The following MARK3 variants were observed in gnomAD, a reference collection of about 807,000 sequenced individuals.
MARK3 encodes the protein MAP/microtubule affinity-regulating kinase 3.
In MARK3, 46 loss-of-function variants were observed where a neutral mutation model predicts 90.1. That is an observed-to-expected ratio of 0.51 (90% CI 0.40 to 0.65). The LOEUF (loss-of-function observed/expected upper bound fraction) is 0.65, where lower values mean the gene tolerates loss of function less well. MARK3 is among the 30% of genes least tolerant of loss of function. The pLI is 0.00. For missense variants in MARK3, 818 were observed against 947.2 expected (o/e 0.86, Z 1.79); for synonymous variants, 321 against 332.6 (o/e 0.97, Z 0.38).
intron 14 of MARK3, among the ~76,000 whole-genome samples, chr14:103,484,119 A>G (rs1355308792): frequency 1.3e-5 from 2 of 151,772 alleles, no homozygotes; most frequent in Non-Finnish European, 2.9e-5. Flanking sequence ...AAGACCCCAG[A>G]GAAGTGACGT....
intron 4 of MARK3, among the ~76,000 whole-genome samples, chr14:103,450,698 G>C (rs2141325267): frequency 6.6e-6 from 1 of 152,188 alleles, no homozygotes; most frequent in South Asian, 2.1e-4. Context: ...TGACTGCTAT[G>C]TTAGGCATTT....
In MARK3 at chr14:103,492,019, C is replaced by G; in HGVS notation, c.1829C>G (p.Ser610Ter). Residue 610 changes from serine (S) to a stop codon, truncating the protein, a stop_gained, in exon 15 of 18, where the codon TCA becomes TGA. Coordinates refer to ENST00000429436, the MANE Select transcript of MARK3 (RefSeq NM_001128918.3). LOFTEE classifies it high-confidence loss of function. ...GSTNLFSKLT[S>*]KLTRRNMSFR... ...ACTAATCTCTTTAGTAAATTAACTT[C>G]AAAACTCACAAGGAGGTAAGTGCTA... 6.2e-7 allele frequency: 1 copy of G among 1,614,124 alleles called. No homozygotes were observed. The highest frequency in any genetic ancestry group is 8.5e-7 in the Non-Finnish European group (1 of 1,180,000).
chr14:103,494,998 A>G (rs1013150740), intron 15 of MARK3, among the ~76,000 whole-genome samples: 3 of 152,236 alleles, frequency 2.0e-5, no homozygotes, highest in Non-Finnish European at 4.4e-5. Flanking sequence ...TACATTATAT[A>G]TATGCATATT....
chr14:103,442,059 T>A (rs1356367499), intron 3 of MARK3, among the ~76,000 whole-genome samples: 3 of 151,948 alleles, frequency 2.0e-5, no homozygotes, highest in Admixed American at 1.3e-4. Flanking sequence ...GGGGAAAAGG[T>A]ACATATCTTA....
intron 2 of MARK3, 66 bp from the exon 3 acceptor site, chr14:103,428,321 C>A: frequency 1.2e-6 from 1 of 820,888 alleles, no homozygotes; most frequent in Non-Finnish European, 1.9e-6. Context: ...TGCCATATAT[C>A]TTGGCATTTA....
intron 3 of MARK3, among the ~76,000 whole-genome samples, chr14:103,437,054 C>T (rs1199927740): frequency 1.3e-5 from 2 of 151,164 alleles, no homozygotes; most frequent in Non-Finnish European, 2.9e-5. Flanking sequence ...GATGGCACCA[C>T]TGCACTCCAG....
intron 13 of MARK3, among the ~76,000 whole-genome samples, chr14:103,476,491 A>G (rs2093717190): frequency 1.4e-5 from 2 of 145,182 alleles, no homozygotes; most frequent in Admixed American, 7.0e-5. Context: ...CTGTAACAAA[A>G]TCTCCCCAGT....
chr14:103,458,454 C>CAAA lies in MARK3; in HGVS notation c.483+1261_483+1263dup, dbSNP rs36020485. 3.9e-3 allele frequency among the ~76,000 whole-genome samples: 118 copies of CAAA among 30,506 alleles called. 2 individuals carry two copies. The highest frequency in any genetic ancestry group is 6.5e-3 in the East Asian group (6 of 924). 20.0% of individuals were successfully genotyped at this position (30,506 alleles called of 152,430 possible). A position where few individuals can be genotyped will look rare whatever the true frequency, so the allele number is the denominator to read the frequency against. On this transcript the variant is annotated intron_variant, in intron 6 of 17. Coordinates refer to ENST00000429436, the MANE Select transcript of MARK3 (RefSeq NM_001128918.3). ...AGCCTGGGTGACAGAGACTCCATCT[C>CAAA]AAAAAAAAAAAAAAAAAAAAAGAAG...
chr14:103,419,607 T>C (rs1368184471), intron 2 of MARK3, among the ~76,000 whole-genome samples: 4 of 152,164 alleles, frequency 2.6e-5, no homozygotes, highest in Non-Finnish European at 5.9e-5. Context: ...TATGTTGTTT[T>C]GGTTGAAGTG....
intron 3 of MARK3, among the ~76,000 whole-genome samples, chr14:103,446,879 T>C (rs1177844495): frequency 6.6e-6 from 1 of 151,822 alleles, no homozygotes; most frequent in Admixed American, 6.6e-5. Flanking sequence ...CTATAATGGA[T>C]TGGAAAACAA....
At position 103,425,527 on chromosome 14, in the gene MARK3, G is replaced by A. The variant is rs1379632225; in HGVS notation, c.244-2860G>A. On this transcript the variant is annotated intron_variant, in intron 2 of 17. Transcript: ENST00000429436. ...ATCCACCCACCTCCCAAAGTGCTGGGATTACAGGCATGAGCCACCTCACCC... is the reference window on the plus strand; with the variant it reads ...ATCCACCCACCTCCCAAAGTGCTGGAATTACAGGCATGAGCCACCTCACCC... Among the ~76,000 whole-genome samples, 4 of 152,232 alleles carry A rather than the reference G, an allele frequency of 2.6e-5. No homozygotes were observed. In the East Asian group the frequency reaches 7.7e-4, roughly 29 times the overall value.
chr14:103,488,222 T>C (rs2093962430), intron 14 of MARK3, among the ~76,000 whole-genome samples: 1 of 152,124 alleles, frequency 6.6e-6, no homozygotes, highest in Non-Finnish European at 1.5e-5. Context: ...TTAGTTCATA[T>C]AACTAAAAAA....
intron 4 of MARK3, among the ~76,000 whole-genome samples, chr14:103,451,600 C>G (rs761268495): frequency 1.6e-4 from 25 of 152,182 alleles, no homozygotes; most frequent in Non-Finnish European, 2.6e-4. Context: ...GGGAGGGCAG[C>G]TAGCCAACAC....
At chr14:103,415,261 C>G (rs770140618) in intron 2 of MARK3, among the ~76,000 whole-genome samples, 1 of 147,142 alleles carries the variant, frequency 6.8e-6, no homozygotes, top group Non-Finnish European at 1.5e-5. Flanking sequence ...AAACAAGATA[C>G]ATTAATATGT....
At chr14:103,424,588 G>A (rs2092339560) in intron 2 of MARK3, among the ~76,000 whole-genome samples, 1 of 151,420 alleles carries the variant, frequency 6.6e-6, no homozygotes, top group Non-Finnish European at 1.5e-5. Context: ...AGAACCATAA[G>A]AAACTAGTGA....
rs2090620104 is a variant in MARK3 at position 103,397,000 on chromosome 14, A to T, written c.52-8076A>T. On this transcript the variant is annotated intron_variant, in intron 1 of 17. Coordinates refer to ENST00000429436, the MANE Select transcript of MARK3 (RefSeq NM_001128918.3). ...TAAAGCCTTTTTATATTATGCATTG[A>T]AATATTGGGGGGTATATTGAGTTAA... is the stretch of plus-strand genomic sequence containing the variant. 2.0e-5 allele frequency among the ~76,000 whole-genome samples: 3 copies of T among 152,300 alleles called. No individual in the cohort carries two copies. The South Asian group carries it at 6.2e-4, about 32-fold the overall frequency.
chr14:103,433,786 G>A (rs1335023368), intron 3 of MARK3, among the ~76,000 whole-genome samples: 1 of 152,136 alleles, frequency 6.6e-6, no homozygotes, highest in Admixed American at 6.5e-5. Context: ...TTAGGTTTGG[G>A]AATGTGGAAT....
At chr14:103,484,211 T>C (rs2093881021) in intron 14 of MARK3, among the ~76,000 whole-genome samples, 1 of 151,644 alleles carries the variant, frequency 6.6e-6, no homozygotes, top group Non-Finnish European at 1.5e-5. Context: ...GGAGTCTCGC[T>C]CTTTTACCCA....
At position 103,475,020 on chromosome 14, in the gene MARK3, C is replaced by T. The variant is rs779860437; in HGVS notation, c.1292C>T (p.Ala431Val). The part of the protein sequence containing the change: ...HAGPAIPSVV[A>V]YPKRSQTSTA... ...GGACCAGCTATTCCTTCTGTTGTGGCGTATCCGAAAAGGAGTCAGACCAGC... is the reference window on the plus strand; with the variant it reads ...GGACCAGCTATTCCTTCTGTTGTGGTGTATCCGAAAAGGAGTCAGACCAGC... Residue 431 changes from alanine (A) to valine (V), a missense_variant, in exon 13 of 18, where the codon GCG becomes GTG. By Grantham distance (64) the Ala-to-Val change is moderately conservative. This residue lies in a region of MARK3 where 560 missense variants were observed against 613.5 expected (regional missense o/e 0.91). Coordinates refer to ENST00000429436, the MANE Select transcript of MARK3 (RefSeq NM_001128918.3). The T allele has an allele frequency of 8.1e-6, 13 of 1,613,838 alleles. No individual in the cohort carries two copies. In the East Asian group the frequency reaches 1.8e-4, roughly 22 times the overall value.
Sources: allele counts gnomAD v4.1 joint callset (sites outside exome capture counted in the v4.1 genomes callset), GRCh38; gene constraint gnomAD v4.1.1; regional missense constraint gnomAD v4.1.1; transcripts MANE v1.5; gene names NCBI Gene and HGNC (gene_info 2026-07-23, HGNC 2026-07-21).